The following RIMS1 variants were observed in gnomAD, a reference collection of about 807,000 sequenced individuals.
RIMS1 encodes the protein regulating synaptic membrane exocytosis 1, also known as regulating synaptic membrane exocytosis protein 1.
A neutral mutation model predicts 214.1 loss-of-function variants in RIMS1; 83 were observed. The observed-to-expected ratio is 0.39, with a 90% CI of 0.32 to 0.47. RIMS1 has a LOEUF of 0.47. RIMS1 is among the 20% of genes least tolerant of loss of function. The probability of loss-of-function intolerance (pLI) is 0.99; values close to 1 mark genes in which losing one functional copy is unlikely to be tolerated. For missense variants in RIMS1, 2,050 were observed against 2,161.8 expected, an observed-to-expected ratio of 0.95 and a Z score of 1.03; for synonymous variants, 793 against 786.8, an observed-to-expected ratio of 1.01 and a Z score of -0.13.
At chr6:72,120,741 G>C (rs1363221835) in intron 4 of RIMS1, among the ~76,000 whole-genome samples, 1 of 151,836 alleles carries the variant, frequency 6.6e-6, no homozygotes, top group Middle Eastern at 3.2e-3. Flanking sequence ...CCTATGTCCT[G>C]AATGGTATTG....
At chr6:72,232,903 C>G (rs10498881) in intron 6 of RIMS1, among the ~76,000 whole-genome samples, 11,139 of 151,806 alleles carry the variant, frequency 0.073, 478 homozygotes, top group Non-Finnish European at 0.1. Flanking sequence ...GTTGATAGCT[C>G]ATTATTAACT....
intron 4 of RIMS1, among the ~76,000 whole-genome samples, chr6:72,115,078 T>C (rs1399104350): frequency 1.3e-5 from 2 of 151,970 alleles, no homozygotes; most frequent in Non-Finnish European, 2.9e-5. Context: ...ACTCAAATCT[T>C]TCAAGTAACC....
In RIMS1 at chr6:72,154,228, A is replaced by AT. The variant is rs1267065774; in HGVS notation, c.472-25343dup. On this transcript the variant is annotated intron_variant, in intron 4 of 33. Coordinates refer to ENST00000521978, the MANE Select transcript of RIMS1 (RefSeq NM_014989.7). Reference sequence around the variant, plus strand: ...GTTTTACAGACAGCAAAATCTTTCTATTTTATCTTTTGCTTGAGGTTTTTG... The same window carrying AT: ...GTTTTACAGACAGCAAAATCTTTCTATTTTTATCTTTTGCTTGAGGTTTTTG... Among the ~76,000 whole-genome samples, 5 of 97,754 alleles carry AT rather than the reference A, an allele frequency of 5.1e-5. 1 individual carries two copies. In the East Asian group the frequency reaches 1.3e-3, roughly 26 times the overall value. The allele number at this position is 97,754 out of a possible 152,430, so 64.1% of individuals were successfully genotyped here. A position where few individuals can be genotyped will look rare whatever the true frequency, so the allele number is the denominator to read the frequency against.
At chr6:72,224,482 A>C (rs1379816360) in intron 6 of RIMS1, among the ~76,000 whole-genome samples, 1 of 152,212 alleles carries the variant, frequency 6.6e-6, no homozygotes, top group Non-Finnish European at 1.5e-5. Flanking sequence ...CCAAGAAACC[A>C]GTGTTGAACA....
chr6:71,924,308 A>G (rs1287974702), intron 1 of RIMS1, among the ~76,000 whole-genome samples: 1 of 152,160 alleles, frequency 6.6e-6, no homozygotes, highest in Non-Finnish European at 1.5e-5. Context: ...TTTGCCTCTA[A>G]GGGAAATGAG....
chr6:71,913,320 G>A (rs1194813670), intron 1 of RIMS1, among the ~76,000 whole-genome samples: 2 of 152,102 alleles, frequency 1.3e-5, no homozygotes, highest in African/African-American at 2.4e-5. Context: ...GACATGATGC[G>A]AAAAGGAGGG....
At chr6:72,148,008 C>T (rs2042978387) in intron 4 of RIMS1, among the ~76,000 whole-genome samples, 1 of 152,200 alleles carries the variant, frequency 6.6e-6, no homozygotes, top group South Asian at 2.1e-4. Flanking sequence ...GATGGGGAAA[C>T]AGACAAAGAG....
chr6:72,327,978 A>G (rs771796594), intron 28 of RIMS1, among the ~76,000 whole-genome samples: 1 of 151,866 alleles, frequency 6.6e-6, no homozygotes, highest in Non-Finnish European at 1.5e-5. Context: ...AATGTAAAAT[A>G]CCATTCTACT....
At chr6:72,348,943 T>C (rs1329265606) in intron 29 of RIMS1, among the ~76,000 whole-genome samples, 1 of 151,998 alleles carries the variant, frequency 6.6e-6, no homozygotes, top group Non-Finnish European at 1.5e-5. Context: ...ATGAAAATAC[T>C]TAAGTATTTA....
intron 4 of RIMS1, among the ~76,000 whole-genome samples, chr6:72,122,078 T>A (rs758732637): frequency 1.3e-5 from 2 of 151,918 alleles, no homozygotes; most frequent in African/African-American, 2.4e-5. Flanking sequence ...AGGAATTTTC[T>A]TATAGATGTT....
chr6:71,909,035 G>C (rs1228108130), intron 1 of RIMS1, among the ~76,000 whole-genome samples: 1 of 151,962 alleles, frequency 6.6e-6, no homozygotes, highest in Non-Finnish European at 1.5e-5. Flanking sequence ...TGTTGCTCAG[G>C]CTGGAGTGCA....
chr6:72,097,389 A>G (rs956649788), intron 3 of RIMS1, among the ~76,000 whole-genome samples: 1 of 152,222 alleles, frequency 6.6e-6, no homozygotes, highest in African/African-American at 2.4e-5. Context: ...CATGATTCCA[A>G]TTCAAAACCA....
intron 29 of RIMS1, among the ~76,000 whole-genome samples, chr6:72,337,355 A>G (rs1252107766): frequency 6.6e-6 from 1 of 151,798 alleles, no homozygotes; most frequent in African/African-American, 2.4e-5. Flanking sequence ...AGGTTCTACA[A>G]ATCTGTGCAA....
intron 22 of RIMS1, among the ~76,000 whole-genome samples, chr6:72,271,247 C>G (rs2082937766): frequency 8.2e-6 from 1 of 122,588 alleles, no homozygotes; most frequent in Admixed American, 9.6e-5. Context: ...GCCTGGGTGA[C>G]AGAGCAAGAC....
At chr6:72,227,723 G>C (rs2060635467) in intron 6 of RIMS1, among the ~76,000 whole-genome samples, 1 of 151,774 alleles carries the variant, frequency 6.6e-6, no homozygotes, top group Non-Finnish European at 1.5e-5. Context: ...TCACTCTCTG[G>C]GGTAGTTCAA....
intron 6 of RIMS1, among the ~76,000 whole-genome samples, chr6:72,212,504 A>G (rs948808015): frequency 3.9e-5 from 6 of 152,208 alleles, no homozygotes; most frequent in Non-Finnish European, 7.3e-5. Context: ...GTATTTCTTC[A>G]TAAATCAAAG....
At chr6:71,995,576 T>C (rs1286757694) in intron 2 of RIMS1, among the ~76,000 whole-genome samples, 3 of 151,868 alleles carry the variant, frequency 2.0e-5, no homozygotes, top group African/African-American at 7.3e-5. Context: ...GTATTAGTTT[T>C]CTTGGGCTGC....
chr6:71,938,000 C>A (rs139639062), intron 1 of RIMS1, among the ~76,000 whole-genome samples: 28 of 152,282 alleles, frequency 1.8e-4, no homozygotes, highest in African/African-American at 6.5e-4. Context: ...CAAATTTCCT[C>A]TAGCTGTGAA....
chr6:72,007,673 G>A (rs57279481), intron 2 of RIMS1, among the ~76,000 whole-genome samples: 14,049 of 152,256 alleles, frequency 0.092, 692 homozygotes, highest in African/African-American at 0.11. Context: ...ACTACGTGAC[G>A]AATGCACAAG....
Sources: allele counts gnomAD v4.1 joint callset (sites outside exome capture counted in the v4.1 genomes callset), GRCh38; gene constraint gnomAD v4.1.1; transcripts MANE v1.5; gene names NCBI Gene and HGNC (gene_info 2026-07-23, HGNC 2026-07-21).